Variants in BLTP3B observed in about 807,000 individuals in gnomAD.
The protein encoded by BLTP3B is UHRF1 (ICBP90) binding protein 1-like.
At chr12:100,069,554 G>A in the BLTP3B span, among the ~76,000 whole-genome samples, 2 of 152,014 alleles carry the variant, frequency 1.3e-5, no homozygotes, top group East Asian at 1.9e-4. Flanking sequence ...AATGGCATTT[G>A]CAGCAACCTG....
chr12:100,080,193 C>T, the BLTP3B span, among the ~76,000 whole-genome samples: 1 of 152,192 alleles, frequency 6.6e-6, no homozygotes, highest in Non-Finnish European at 1.5e-5. Flanking sequence ...CACCGTCCTC[C>T]TGACTCCAGA....
At chr12:100,117,806 G>A in the BLTP3B span, among the ~76,000 whole-genome samples, 80 of 152,016 alleles carry the variant, frequency 5.3e-4, no homozygotes, top group Non-Finnish European at 1.0e-3. Flanking sequence ...TGACCTTTGG[G>A]GTGCTTTTTA....
At chr12:100,095,575 C>T in the BLTP3B span, 1 of 1,429,836 alleles carries the variant, frequency 7.0e-7, no homozygotes, top group Non-Finnish European at 9.5e-7. Context: ...ACCTCACAAT[C>T]TGTCTCTTAA....
At chr12:100,140,618 C>T in the BLTP3B span, among the ~76,000 whole-genome samples, 51,506 of 142,734 alleles carry the variant, frequency 0.36, 12,083 homozygotes, top group African/African-American at 0.68. Context: ...GGCAGGAGAA[C>T]TGATTGAAGC....
chr12:100,124,936 T>TTGTATA, the BLTP3B span, among the ~76,000 whole-genome samples: 1 of 56,544 alleles, frequency 1.8e-5, no homozygotes. Flanking sequence ...AAAAAAAATT[T>TTGTATA]TATATATATA....
At chr12:100,052,996 T>C in the BLTP3B span, among the ~76,000 whole-genome samples, 1,267 of 151,454 alleles carry the variant, frequency 8.4e-3, 10 homozygotes, top group Non-Finnish European at 0.014. Flanking sequence ...GGTTTCACCA[T>C]GTTAGCCAGG....
At chr12:100,097,510 G>A in the BLTP3B span, 31 of 1,598,590 alleles carry the variant, frequency 1.9e-5, no homozygotes, top group East Asian at 4.7e-4. Flanking sequence ...CAAAACCTAA[G>A]GAGAACACAG....
the BLTP3B span, chr12:100,086,372 AGG>A: frequency 7.7e-4 from 337 of 438,756 alleles, 1 homozygote; most frequent in East Asian, 1.4e-3. Flanking sequence ...GGAAAAAAAA[AGG>A]GGGGGGGGGA....
At chr12:100,074,679 C>T in the BLTP3B span, among the ~76,000 whole-genome samples, 1 of 150,122 alleles carries the variant, frequency 6.7e-6, no homozygotes, top group East Asian at 1.9e-4. Flanking sequence ...TCATTTTGCA[C>T]AAAATTAGAA....
At chr12:100,135,454 A>G in the BLTP3B span, among the ~76,000 whole-genome samples, 2 of 151,976 alleles carry the variant, frequency 1.3e-5, no homozygotes, top group African/African-American at 4.8e-5. Flanking sequence ...TTTTTAGTAC[A>G]GACAGGATTT....
chr12:100,071,497 CAAAAAAAAAA>C, the BLTP3B span, among the ~76,000 whole-genome samples: 12 of 78,680 alleles, frequency 1.5e-4, no homozygotes, highest in South Asian at 2.3e-3. Flanking sequence ...ACTATGTCTC[CAAAAAAAAAA>C]AAAAAAAAAA....
At chr12:100,095,502 T>C in the BLTP3B span, among the ~76,000 whole-genome samples, 2 of 152,252 alleles carry the variant, frequency 1.3e-5, no homozygotes, top group African/African-American at 4.8e-5. Context: ...ACAGATATGA[T>C]AGCTACTACT....
At chr12:100,128,895 T>A in the BLTP3B span, among the ~76,000 whole-genome samples, 415 of 152,242 alleles carry the variant, frequency 2.7e-3, 1 homozygote, top group African/African-American at 9.6e-3. Context: ...TAAGATGAAT[T>A]AACCATTTAA....
At chr12:100,086,225 T>C in the BLTP3B span, 890 of 1,193,642 alleles carry the variant, frequency 7.5e-4, 20 homozygotes, top group East Asian at 0.024. Context: ...AAATTAGCTA[T>C]ATAATTTGAA....
At chr12:100,047,533 T>G in the BLTP3B span, 1 of 1,597,324 alleles carries the variant, frequency 6.3e-7, no homozygotes, top group Non-Finnish European at 8.6e-7. Flanking sequence ...TATATACCTC[T>G]GATATGAAAA....
the BLTP3B span, chr12:100,142,764 C>A: frequency 1.1e-5 from 15 of 1,382,622 alleles, no homozygotes; most frequent in Non-Finnish European, 1.3e-5. Flanking sequence ...CCGGGAGAGA[C>A]CCAAGGCCCC....
chr12:100,058,259 A>T, the BLTP3B span: 3 of 1,613,598 alleles, frequency 1.9e-6, no homozygotes, highest in Non-Finnish European at 2.5e-6. Flanking sequence ...TACTACTTGA[A>T]TCTGTATAAA....
At chr12:100,048,202 G>A in the BLTP3B span, 3 of 1,567,760 alleles carry the variant, frequency 1.9e-6, no homozygotes, top group African/African-American at 1.4e-5. Context: ...GGAACCTAAG[G>A]AAAATGAACA....
At chr12:100,138,396 G>A in the BLTP3B span, among the ~76,000 whole-genome samples, 1 of 152,136 alleles carries the variant, frequency 6.6e-6, no homozygotes, top group Non-Finnish European at 1.5e-5. Flanking sequence ...ACACACACCT[G>A]TACACTTTAA....
Sources: gnomAD v4.1 joint callset for allele counts (sites outside exome capture counted in the v4.1 genomes callset) on GRCh38, gnomAD v4.1.1 for gene constraint, MANE v1.5 for transcripts, NCBI Gene and HGNC (gene_info 2026-07-23, HGNC 2026-07-21) for gene names.